The following DLGAP1 variants were observed in gnomAD, a reference collection of about 807,000 sequenced individuals.
The protein encoded by DLGAP1 is disks large-associated protein 1.
A neutral mutation model predicts 90.8 loss-of-function variants in DLGAP1; 11 were observed. The ratio of observed to expected loss-of-function variants is 0.12; its 90% confidence interval spans 0.08 to 0.20. DLGAP1 has a LOEUF of 0.20. Ranked by LOEUF, DLGAP1 falls within the 10% of genes least tolerant of loss-of-function variation. The pLI, the probability that DLGAP1 is intolerant of heterozygous loss-of-function variation, is 1.00. For missense variants in DLGAP1, 1,050 were observed against 1,333.8 expected, an observed-to-expected ratio of 0.79 and a Z score of 3.31; for synonymous variants, 558 against 540.7, an observed-to-expected ratio of 1.03 and a Z score of -0.44.
chr18:3,562,224 G>C (rs531737126), intron 9 of DLGAP1, among the ~76,000 whole-genome samples: 2 of 151,788 alleles, frequency 1.3e-5, no homozygotes, highest in Admixed American at 1.3e-4. Context: ...CAAAAACTCC[G>C]TCTCAAAAAA....
At chr18:4,248,362 G>A (rs759984723) in intron 1 of DLGAP1, among the ~76,000 whole-genome samples, 2 of 152,188 alleles carry the variant, frequency 1.3e-5, no homozygotes, top group Non-Finnish European at 2.9e-5. Flanking sequence ...TAACATTTTT[G>A]AAGACTTTAC....
intron 1 of DLGAP1, among the ~76,000 whole-genome samples, chr18:4,446,079 C>G (rs1439506866): frequency 6.6e-6 from 1 of 152,116 alleles, no homozygotes; most frequent in African/African-American, 2.4e-5. Context: ...ATAGCTGGAA[C>G]AGCAGAGCCC....
chr18:4,072,195 C>G (rs1424528551), intron 2 of DLGAP1, among the ~76,000 whole-genome samples: 4 of 152,100 alleles, frequency 2.6e-5, no homozygotes, highest in Non-Finnish European at 4.4e-5. Context: ...TGAAGACTTT[C>G]TCTTAGAAGA....
At chr18:4,067,847 C>T (rs1247787342) in intron 2 of DLGAP1, among the ~76,000 whole-genome samples, 1 of 152,072 alleles carries the variant, frequency 6.6e-6, no homozygotes, top group African/African-American at 2.4e-5. Flanking sequence ...AATCAATGTA[C>T]ACCTTACATG....
At chr18:3,582,985 G>T (rs1376032663) in intron 7 of DLGAP1, among the ~76,000 whole-genome samples, 3 of 151,622 alleles carry the variant, frequency 2.0e-5, no homozygotes, top group Non-Finnish European at 4.4e-5. Flanking sequence ...TGAACTCTGG[G>T]CTCAAGAGAT....
intron 1 of DLGAP1, among the ~76,000 whole-genome samples, chr18:4,265,641 TTCCCTCCC>T (rs1186187652): frequency 1.4e-4 from 4 of 28,306 alleles, no homozygotes; most frequent in East Asian, 2.3e-3. Context: ...CTCCCTCCCC[TTCCCTCCC>T]TCCCTCCCTC....
At chr18:3,838,460 T>C (rs2068529561) in intron 4 of DLGAP1, among the ~76,000 whole-genome samples, 2 of 152,194 alleles carry the variant, frequency 1.3e-5, no homozygotes, top group Non-Finnish European at 2.9e-5. Context: ...ACACAAAAAG[T>C]TCAAAACTAC....
intron 1 of DLGAP1, among the ~76,000 whole-genome samples, chr18:4,320,951 A>C (rs1390169167): frequency 6.6e-6 from 1 of 152,216 alleles, no homozygotes; most frequent in Non-Finnish European, 1.5e-5. Context: ...TAATTCCAGA[A>C]TTTCAGGATG....
Position 3,548,935 on chromosome 18 carries a change from G to A in DLGAP1, c.2058-14320C>T, listed in dbSNP as rs931082768. On this transcript the variant is annotated intron_variant, in intron 9 of 12. Coordinates refer to ENST00000315677, the MANE Select transcript of DLGAP1 (RefSeq NM_004746.4). Reference sequence around the variant, plus strand: ...GCCTGTAATCCCAGCTACTTGGGAGGCTGAGGCAGGGGAATTGCTTGAACC... The same window carrying A: ...GCCTGTAATCCCAGCTACTTGGGAGACTGAGGCAGGGGAATTGCTTGAACC... Among the ~76,000 whole-genome samples the A allele has an allele frequency of 3.3e-5, 5 of 152,142 alleles. No homozygotes were observed. The East Asian group carries it at 9.7e-4, about 29-fold the overall frequency.
chr18:4,009,192 T>C (rs906416929), intron 2 of DLGAP1, among the ~76,000 whole-genome samples: 21 of 151,824 alleles, frequency 1.4e-4, no homozygotes, highest in Non-Finnish European at 2.5e-4. Flanking sequence ...TGTGAGCCAC[T>C]GCACCTGGCC....
At chr18:4,290,864 T>A (rs1001708950) in intron 1 of DLGAP1, among the ~76,000 whole-genome samples, 4 of 152,198 alleles carry the variant, frequency 2.6e-5, no homozygotes, top group Non-Finnish European at 4.4e-5. Flanking sequence ...CAATCTGTAA[T>A]GAACTTCTGG....
At chr18:4,317,348 T>A (rs1038649170) in intron 1 of DLGAP1, among the ~76,000 whole-genome samples, 1 of 152,216 alleles carries the variant, frequency 6.6e-6, no homozygotes, top group Non-Finnish European at 1.5e-5. Context: ...GCTGGACTTG[T>A]AACATGTTTG....
At chr18:3,937,454 A>C (rs752636943) in intron 3 of DLGAP1, among the ~76,000 whole-genome samples, 2 of 152,152 alleles carry the variant, frequency 1.3e-5, no homozygotes, top group Non-Finnish European at 2.9e-5. Context: ...CCATGAGAAC[A>C]GTATGGGGGA....
At chr18:4,295,867 CTTG>C (rs1381493090) in intron 1 of DLGAP1, among the ~76,000 whole-genome samples, 2 of 152,170 alleles carry the variant, frequency 1.3e-5, no homozygotes, top group Non-Finnish European at 2.9e-5. Flanking sequence ...TCCAGCTATG[CTTG>C]TTAAGAAAGG....
intron 6 of DLGAP1, among the ~76,000 whole-genome samples, chr18:3,739,864 C>T (rs996054648): frequency 6.6e-6 from 1 of 152,142 alleles, no homozygotes; most frequent in South Asian, 2.1e-4. Flanking sequence ...TTTCAGCTGG[C>T]CATTCTTTCT....
Position 3,724,796 on chromosome 18 carries a change from G to A in DLGAP1, c.1591+4339C>T, listed in dbSNP as rs373587048. 8.2e-4 allele frequency among the ~76,000 whole-genome samples: 125 copies of A among 151,812 alleles called. 2 individuals carry two copies. In the South Asian group the frequency reaches 0.025, roughly 30 times the overall value. On this transcript the variant is annotated intron_variant, in intron 7 of 12. Coordinates refer to ENST00000315677, the MANE Select transcript of DLGAP1 (RefSeq NM_004746.4). ...TGTGCACCTGTATTCCCAGCTACCT[G>A]AGTTCAGGAGGCTGAGGTGGAGGAT... is the stretch of plus-strand genomic sequence containing the variant.
rs5822770 is a variant in DLGAP1 at position 3,837,849 on chromosome 18, C to CA, written c.958-23577dup. Among the ~76,000 whole-genome samples the CA allele has an allele frequency of 7.3e-3, 195 of 26,820 alleles. 42 individuals are homozygous for CA. The highest frequency in any genetic ancestry group is 0.012 in the African/African-American group (82 of 7,050). 17.6% of individuals were successfully genotyped at this position (26,820 alleles called of 152,430 possible). ...CCTGGGCGACAGAGTGAGATTCTGT[C>CA]AAAAAAAAAAAAAAAAAAAAAAAAA... is the stretch of plus-strand genomic sequence containing the variant. On this transcript the variant is annotated intron_variant, in intron 4 of 12. Coordinates refer to ENST00000315677, the MANE Select transcript of DLGAP1 (RefSeq NM_004746.4).
chr18:4,082,379 C>T (rs777639724), intron 2 of DLGAP1, among the ~76,000 whole-genome samples: 10 of 146,428 alleles, frequency 6.8e-5, no homozygotes, highest in African/African-American at 2.0e-4. Context: ...GACATGGTGG[C>T]GCACACCTGT....
rs929636370 is a variant in DLGAP1, at chr18:4,298,021, C to T, written c.-266-146734G>A. Among the ~76,000 whole-genome samples the T allele has an allele frequency of 3.9e-5, 6 of 152,168 alleles. No individual in the cohort carries two copies. In the East Asian group the frequency reaches 9.7e-4, roughly 25 times the overall value. Reference sequence around the variant, plus strand: ...AGTCATAAGGCTCTGTGTCTCTGCCCCGGACTCTGGTGTCTTCTGTCAGTA... The same window carrying T: ...AGTCATAAGGCTCTGTGTCTCTGCCTCGGACTCTGGTGTCTTCTGTCAGTA... On this transcript the variant is annotated intron_variant, in intron 1 of 12. Coordinates refer to ENST00000315677, the MANE Select transcript of DLGAP1 (RefSeq NM_004746.4).
Sources: gnomAD v4.1 joint callset for allele counts (sites outside exome capture counted in the v4.1 genomes callset) on GRCh38, gnomAD v4.1.1 for gene constraint, MANE v1.5 for transcripts, NCBI Gene and HGNC (gene_info 2026-07-23, HGNC 2026-07-21) for gene names.